The following TTC39C variants were observed in gnomAD, a reference collection of about 807,000 sequenced individuals.
TTC39C encodes tetratricopeptide repeat domain 39C.
TTC39C carries 33 observed loss-of-function variants against 76.3 expected under a neutral mutation model. That is an observed-to-expected ratio of 0.43 (90% CI 0.33 to 0.58). TTC39C has a LOEUF of 0.58. Ranked by LOEUF, TTC39C falls within the 20% of genes least tolerant of loss-of-function variation. TTC39C has a pLI of 0.04. For synonymous variants in TTC39C, 254 were observed against 260.6 expected, an observed-to-expected ratio of 0.97 and a Z score of 0.24; for missense variants, 595 against 701.4, an observed-to-expected ratio of 0.85 and a Z score of 1.71.
chr18:24,122,823 A>G (rs1258689565), intron 8 of TTC39C, among the ~76,000 whole-genome samples: 2 of 152,142 alleles, frequency 1.3e-5, no homozygotes, highest in African/African-American at 4.8e-5. Flanking sequence ...GACTTCTCCT[A>G]GCTCCTTACA....
intron 3 of TTC39C, among the ~76,000 whole-genome samples, chr18:24,067,875 T>C (rs2084186192): frequency 6.6e-6 from 1 of 152,170 alleles, no homozygotes; most frequent in Admixed American, 6.5e-5. Flanking sequence ...TGACTTGGCG[T>C]TTACGTTTCC....
chr18:24,115,081 T>A (rs2084873738), intron 7 of TTC39C: 1 of 163,356 alleles, frequency 6.1e-6, no homozygotes, highest in African/African-American at 2.4e-5. Flanking sequence ...TAGTTGCCAT[T>A]GGAGTTAAGG....
At chr18:24,030,780 G>A (rs879445024) in intron 1 of TTC39C, among the ~76,000 whole-genome samples, 6 of 148,510 alleles carry the variant, frequency 4.0e-5, no homozygotes, top group Non-Finnish European at 8.9e-5. Flanking sequence ...TCAGCCTCCT[G>A]AGTAGCTGGG....
At chr18:24,061,793 A>T (rs997392024) in intron 1 of TTC39C, among the ~76,000 whole-genome samples, 8 of 152,084 alleles carry the variant, frequency 5.3e-5, no homozygotes, top group African/African-American at 1.4e-4. Context: ...AATCCCAGCT[A>T]CTCGGGAGGC....
chr18:24,111,271 A>G (rs2084806140), intron 6 of TTC39C, among the ~76,000 whole-genome samples: 1 of 152,078 alleles, frequency 6.6e-6, no homozygotes, highest in South Asian at 2.1e-4. Context: ...ATGATGACAA[A>G]TTAAGATATC....
intron 1 of TTC39C, among the ~76,000 whole-genome samples, chr18:24,002,899 G>T (rs2083325073): frequency 6.6e-6 from 1 of 152,132 alleles, no homozygotes; most frequent in Admixed American, 6.5e-5. Context: ...CAAGTGCTCT[G>T]GTCTTCTGCA....
chr18:24,045,927 ATTTTTTT>A (rs1156578816), intron 1 of TTC39C, among the ~76,000 whole-genome samples: 9 of 25,660 alleles, frequency 3.5e-4, no homozygotes, highest in Admixed American at 7.5e-4. Context: ...ATATATATAT[ATTTTTTT>A]TTTTTTTTTT....
At chr18:24,045,914 T>TGTATATGTAC (rs796301693) in intron 1 of TTC39C, among the ~76,000 whole-genome samples, 3,888 of 30,924 alleles carry the variant, frequency 0.13, 196 homozygotes, top group East Asian at 0.31. Flanking sequence ...TATATATATA[T>TGTATATGTAC]ATATATATAT....
chr18:24,114,559 A>T lies in TTC39C; in HGVS notation c.990A>T (p.Gln330His). ...FKGRIQRLECQINSALTSFHT... is the reference protein window; with the variant it reads ...FKGRIQRLECHINSALTSFHT... ...TGTTTTCCTTTTCTCCTTAGTGTCA[A>T]ATCAACAGTGCCTTGACATCTTTCC... The change falls in exon 7 of 14, where the codon CAA becomes CAT. Residue 330 changes from glutamine to histidine, a missense_variant. By Grantham distance (24) the Gln-to-His change is conservative. Transcript: ENST00000317571. The T allele has an allele frequency of 6.2e-7, 1 of 1,613,830 alleles. No homozygotes were observed. The highest frequency in any genetic ancestry group is 1.3e-5 in the African/African-American group (1 of 75,050).
At chr18:24,038,259 A>G (rs2083753770) in intron 1 of TTC39C, among the ~76,000 whole-genome samples, 1 of 140,300 alleles carries the variant, frequency 7.1e-6, no homozygotes, top group South Asian at 2.2e-4. Flanking sequence ...TGATGAGGAC[A>G]ATCTACACAG....
chr18:24,030,963 A>G (rs1474068599), intron 1 of TTC39C, among the ~76,000 whole-genome samples: 1 of 140,844 alleles, frequency 7.1e-6, no homozygotes, highest in African/African-American at 2.7e-5. Context: ...TTTGTTTTTG[A>G]GACAGGGTCT....
chr18:24,037,100 C>G (rs1018359972), intron 1 of TTC39C, among the ~76,000 whole-genome samples: 1 of 152,048 alleles, frequency 6.6e-6, no homozygotes, highest in Admixed American at 6.6e-5. Context: ...GCGTTTTTGT[C>G]TTTTTCCTGA....
chr18:24,099,397 C>A (rs2084648986), intron 6 of TTC39C: 1 of 151,740 alleles, frequency 6.6e-6, no homozygotes, highest in Non-Finnish European at 1.5e-5. Context: ...GCTCCACCCT[C>A]ATGATCTGAT....
chr18:24,061,818 G>A (rs1251026017), intron 1 of TTC39C, among the ~76,000 whole-genome samples: 1 of 152,102 alleles, frequency 6.6e-6, no homozygotes, highest in Non-Finnish European at 1.5e-5. Flanking sequence ...GCAGGAGAAT[G>A]GCTGGAACCT....
chr18:24,014,818 C>G lies in TTC39C; in HGVS notation c.-54C>G, dbSNP rs2083429936. 2.5e-6 allele frequency: 3 copies of G among 1,207,650 alleles called. No individual in the cohort carries two copies. 74.8% of individuals were successfully genotyped at this position (1,207,650 alleles called of 1,614,324 possible). On this transcript the variant is annotated 5_prime_UTR_variant, in exon 1 of 14. Coordinates refer to ENST00000317571, the MANE Select transcript of TTC39C (RefSeq NM_001135993.2). ...AGCCGGGCTCCGGGCGCGCGCGGGG[C>G]CGCAGCAGCTGCTCCCGATCTCGCC...
At chr18:24,055,839 G>T (rs1431666135) in intron 1 of TTC39C, among the ~76,000 whole-genome samples, 2 of 152,042 alleles carry the variant, frequency 1.3e-5, no homozygotes, top group African/African-American at 4.8e-5. Flanking sequence ...TTTTCCAATG[G>T]TCTATTAAAA....
intron 6 of TTC39C, among the ~76,000 whole-genome samples, chr18:24,105,479 AATAC>A (rs1006019849): frequency 1.3e-4 from 20 of 152,214 alleles, no homozygotes; most frequent in African/African-American, 4.6e-4. Context: ...GCATATATGA[AATAC>A]ATATGTGCAC....
chr18:24,102,102 G>C (rs1403934526), intron 6 of TTC39C, among the ~76,000 whole-genome samples: 1 of 152,126 alleles, frequency 6.6e-6, no homozygotes, highest in East Asian at 1.9e-4. Flanking sequence ...GCCTGGGAAG[G>C]GTAAAGCACT....
chr18:24,103,839 G>C (rs2084709850), intron 6 of TTC39C, among the ~76,000 whole-genome samples: 1 of 151,600 alleles, frequency 6.6e-6, no homozygotes, highest in African/African-American at 2.4e-5. Context: ...AACTTCGTTA[G>C]TAAAATTTAG....
Sources: gnomAD v4.1 joint callset for allele counts (sites outside exome capture counted in the v4.1 genomes callset) on GRCh38, gnomAD v4.1.1 for gene constraint, MANE v1.5 for transcripts, NCBI Gene and HGNC (gene_info 2026-07-23, HGNC 2026-07-21) for gene names.